FYN: variants seen among roughly 807,000 people sequenced by gnomAD.
FYN encodes FYN proto-oncogene, Src family tyrosine kinase, also known as tyrosine-protein kinase Fyn.
Under a neutral mutation model 70.2 loss-of-function variants are expected in FYN, and 10 were observed. The observed-to-expected ratio is 0.14, with a 90% CI of 0.09 to 0.24. FYN has a LOEUF of 0.24. FYN is among the 10% of genes least tolerant of loss of function. FYN has a pLI of 1.00. For missense variants in FYN, 319 were observed against 673.1 expected (o/e 0.47, Z 5.82); for synonymous variants, 236 against 248.6 (o/e 0.95, Z 0.48).
At chr6:111,747,233 A>G (rs1381578215) in intron 3 of FYN, among the ~76,000 whole-genome samples, 3 of 152,154 alleles carry the variant, frequency 2.0e-5, no homozygotes, top group Non-Finnish European at 4.4e-5. Context: ...TGCACCCATG[A>G]GTGTCAGGTA....
chr6:111,674,649 G>C lies in FYN; in HGVS notation c.1274-19C>G. ...TTTGCACCTGCAGAATGAACACTTG[G>C]TTATTCATCAGGCAGAGGGCACTGC... On this transcript the variant is annotated intron_variant, in intron 12 of 13. Transcript: ENST00000354650. 1.9e-6 allele frequency: 3 copies of C among 1,610,922 alleles called. No individual in the cohort carries two copies. Among genetic ancestry groups the C allele is most frequent in the Non-Finnish European group, 2.5e-6 (3 of 1,178,066 alleles).
At chr6:111,676,334 G>A (rs1798529870) in intron 12 of FYN, 1 of 152,142 alleles carries the variant, frequency 6.6e-6, no homozygotes, top group Non-Finnish European at 1.5e-5. Flanking sequence ...GAGCAGAAAA[G>A]TTATTCTATA....
intron 3 of FYN, among the ~76,000 whole-genome samples, chr6:111,747,387 T>A (rs895283802): frequency 6.6e-6 from 1 of 152,192 alleles, no homozygotes; most frequent in African/African-American, 2.4e-5. Context: ...AGTCTCACAG[T>A]GTAAAAACTC....
chr6:111,757,858 T>G, intron 3 of FYN, among the ~76,000 whole-genome samples: 1 of 152,348 alleles, frequency 6.6e-6, no homozygotes, highest in East Asian at 1.9e-4. Context: ...TCCATCGGCA[T>G]GGGGGCCTGG....
chr6:111,797,474 G>C (rs947278331), intron 2 of FYN, among the ~76,000 whole-genome samples: 1 of 151,542 alleles, frequency 6.6e-6, no homozygotes, highest in Non-Finnish European at 1.5e-5. Flanking sequence ...TTTCACTCCA[G>C]AATGTTTAGT....
At chr6:111,785,301 C>T (rs536852695) in intron 2 of FYN, among the ~76,000 whole-genome samples, 1 of 152,228 alleles carries the variant, frequency 6.6e-6, no homozygotes, top group East Asian at 1.9e-4. Flanking sequence ...TCTGCCACCC[C>T]CTACAGATAG....
chr6:111,685,548 T>G (rs1337742223), intron 12 of FYN, among the ~76,000 whole-genome samples: 1 of 152,184 alleles, frequency 6.6e-6, no homozygotes. Flanking sequence ...CTTCAGAACT[T>G]GGGGCAGTTT....
At chr6:111,737,002 T>G (rs925741050) in intron 3 of FYN, among the ~76,000 whole-genome samples, 2 of 152,374 alleles carry the variant, frequency 1.3e-5, no homozygotes, top group Non-Finnish European at 2.9e-5. Flanking sequence ...CTCAACTGTT[T>G]GAAATCTGTT....
intron 2 of FYN, among the ~76,000 whole-genome samples, chr6:111,817,876 G>A (rs909444767): frequency 3.9e-5 from 6 of 152,180 alleles, no homozygotes; most frequent in African/African-American, 1.4e-4. Context: ...AACAAGAGCA[G>A]CGTGATTCCT....
At chr6:111,686,697 A>C (rs1424276117) in intron 12 of FYN, among the ~76,000 whole-genome samples, 1 of 152,052 alleles carries the variant, frequency 6.6e-6, no homozygotes, top group Non-Finnish European at 1.5e-5. Context: ...TTCAGGTCAC[A>C]GCACACTGTG....
chr6:111,730,309 C>T (rs532343850), intron 3 of FYN, among the ~76,000 whole-genome samples: 4 of 152,254 alleles, frequency 2.6e-5, no homozygotes, highest in South Asian at 2.1e-4. Context: ...CTGGGATAAC[C>T]GAACCAAAAG....
chr6:111,840,772 T>A (rs1773335155), intron 2 of FYN, among the ~76,000 whole-genome samples: 1 of 152,220 alleles, frequency 6.6e-6, no homozygotes, highest in Admixed American at 6.5e-5. Context: ...GACAAAAGCA[T>A]CTTTTCAGCC....
At chr6:111,715,497 A>T (rs775823961) in intron 4 of FYN, among the ~76,000 whole-genome samples, 4 of 152,074 alleles carry the variant, frequency 2.6e-5, no homozygotes, top group Non-Finnish European at 5.9e-5. Flanking sequence ...TACTCAACAG[A>T]ATGTGCAGTC....
At chr6:111,796,287 A>G (rs944656439) in intron 2 of FYN, among the ~76,000 whole-genome samples, 1 of 152,224 alleles carries the variant, frequency 6.6e-6, no homozygotes, top group Non-Finnish European at 1.5e-5. Flanking sequence ...CATATATGAC[A>G]ATGGTCCCCT....
At chr6:111,769,249 T>A (rs2128498605) in intron 3 of FYN, among the ~76,000 whole-genome samples, 2 of 152,360 alleles carry the variant, frequency 1.3e-5, no homozygotes, top group Middle Eastern at 3.4e-3. Flanking sequence ...AGCCTTCACT[T>A]AACTGAGAAT....
At chr6:111,717,666 G>A (rs1271778581) in intron 4 of FYN, among the ~76,000 whole-genome samples, 1 of 152,172 alleles carries the variant, frequency 6.6e-6, no homozygotes, top group Non-Finnish European at 1.5e-5. Context: ...GTTTCGCCAT[G>A]TTGGCCAGGA....
chr6:111,686,808 C>T (rs748019136), intron 12 of FYN, among the ~76,000 whole-genome samples: 3 of 152,164 alleles, frequency 2.0e-5, no homozygotes, highest in African/African-American at 2.4e-5. Flanking sequence ...GATCTGCCAC[C>T]GGATTACAGG....
intron 5 of FYN, among the ~76,000 whole-genome samples, chr6:111,712,526 G>C (rs1335558857): frequency 1.4e-5 from 2 of 146,114 alleles, no homozygotes; most frequent in African/African-American, 5.5e-5. Flanking sequence ...CTGTTCTCAG[G>C]ATGCCTCCCT....
chr6:111,699,579 A>G (rs1360326240), intron 9 of FYN: 5 of 1,614,226 alleles, frequency 3.1e-6, no homozygotes, highest in Non-Finnish European at 4.2e-6. Context: ...AACGACGTGC[A>G]ACTTCCCAAG....
Sources: allele counts gnomAD v4.1 joint callset (sites outside exome capture counted in the v4.1 genomes callset), GRCh38; gene constraint gnomAD v4.1.1; transcripts MANE v1.5; gene names NCBI Gene and HGNC (gene_info 2026-07-23, HGNC 2026-07-21).